Variants in SH3PXD2A observed in about 807,000 individuals in gnomAD.
SH3PXD2A encodes SH3 and PX domain-containing protein 2A.
In SH3PXD2A, 32 loss-of-function variants were observed where a neutral mutation model predicts 115.2. That is an observed-to-expected ratio of 0.28 (90% CI 0.21 to 0.37). The LOEUF (loss-of-function observed/expected upper bound fraction) is 0.37. Among genes scored for constraint, SH3PXD2A ranks in the 10% least tolerant of loss-of-function variants. The pLI is 1.00. For synonymous variants in SH3PXD2A, 610 were observed against 629.1 expected (o/e 0.97, Z 0.45); for missense variants, 1,328 against 1,498.7 (o/e 0.89, Z 1.88).
At chr10:103,689,772 A>G (rs1386503303) in intron 6 of SH3PXD2A, among the ~76,000 whole-genome samples, 7 of 152,192 alleles carry the variant, frequency 4.6e-5, no homozygotes, top group Non-Finnish European at 1.0e-4. Context: ...AGCAGGTTCA[A>G]TAGAGGGAAG....
chr10:103,819,119 C>T lies in SH3PXD2A; in HGVS notation c.73-17757G>A, dbSNP rs140946522. 3.3e-3 allele frequency among the ~76,000 whole-genome samples: 500 copies of T among 152,310 alleles called. 3 individuals are homozygous for T. Among genetic ancestry groups the T allele is most frequent in the South Asian group, 0.012 (56 of 4,826 alleles). ...TCCAGTCCCGTCAAGAAGGATTGGGCGCTTATTACGTGCTGGGCTCTGTGC... is the reference window on the plus strand; with the variant it reads ...TCCAGTCCCGTCAAGAAGGATTGGGTGCTTATTACGTGCTGGGCTCTGTGC... On this transcript the variant is annotated intron_variant, in intron 1 of 14. Transcript: ENST00000369774.
chr10:103,779,474 G>T (rs1408836503), intron 2 of SH3PXD2A, among the ~76,000 whole-genome samples: 1 of 152,198 alleles, frequency 6.6e-6, no homozygotes, highest in Non-Finnish European at 1.5e-5. Context: ...TGGTGCTGGA[G>T]CAGGGAGGGT....
chr10:103,783,041 A>G (rs181208673), intron 2 of SH3PXD2A, among the ~76,000 whole-genome samples: 27 of 152,132 alleles, frequency 1.8e-4, no homozygotes, highest in African/African-American at 5.8e-4. Flanking sequence ...GGCAGAGGGA[A>G]CAGCAAGGAC....
chr10:103,652,001 T>C (rs2037132011), intron 8 of SH3PXD2A, among the ~76,000 whole-genome samples: 1 of 152,228 alleles, frequency 6.6e-6, no homozygotes, highest in Admixed American at 6.5e-5. Flanking sequence ...ACAGTTCACT[T>C]GCTTTATGGA....
chr10:103,771,327 G>A (rs931855981), intron 2 of SH3PXD2A, among the ~76,000 whole-genome samples: 3 of 152,212 alleles, frequency 2.0e-5, no homozygotes, highest in Non-Finnish European at 4.4e-5. Context: ...TCACAGTGCA[G>A]AGGGAATGTG....
intron 6 of SH3PXD2A, among the ~76,000 whole-genome samples, chr10:103,674,467 C>T (rs1262240089): frequency 2.0e-5 from 3 of 152,186 alleles, no homozygotes; most frequent in Non-Finnish European, 4.4e-5. Context: ...GTGAAAGCCA[C>T]GTGAATGTCA....
intron 1 of SH3PXD2A, among the ~76,000 whole-genome samples, chr10:103,842,483 T>C (rs966149079): frequency 2.6e-5 from 4 of 152,226 alleles, no homozygotes; most frequent in Non-Finnish European, 5.9e-5. Context: ...TACTATCAAA[T>C]ACTAAAACGT....
chr10:103,814,284 C>T (rs2039301273), intron 1 of SH3PXD2A, among the ~76,000 whole-genome samples: 1 of 152,112 alleles, frequency 6.6e-6, no homozygotes, highest in African/African-American at 2.4e-5. Context: ...CCTTCATCAG[C>T]GACTAAGGGG....
intron 2 of SH3PXD2A, among the ~76,000 whole-genome samples, chr10:103,796,510 T>C (rs142909888): frequency 1.1e-4 from 16 of 152,306 alleles, no homozygotes; most frequent in African/African-American, 3.6e-4. Flanking sequence ...AGTATTTAGT[T>C]CATCTACAGT....
At chr10:103,763,174 G>A (rs1216141559) in intron 3 of SH3PXD2A, among the ~76,000 whole-genome samples, 1 of 152,082 alleles carries the variant, frequency 6.6e-6, no homozygotes, top group African/African-American at 2.4e-5. Context: ...ATGTAACCAA[G>A]CCATGGTTTC....
At chr10:103,839,063 C>T (rs905048402) in intron 1 of SH3PXD2A, among the ~76,000 whole-genome samples, 3 of 152,160 alleles carry the variant, frequency 2.0e-5, no homozygotes, top group South Asian at 4.1e-4. Flanking sequence ...TGGTCAACCC[C>T]GCGTGGGATC....
intron 1 of SH3PXD2A, among the ~76,000 whole-genome samples, chr10:103,844,036 T>G (rs78180686): frequency 0.024 from 3,683 of 152,320 alleles, 72 homozygotes; most frequent in South Asian, 0.045. Context: ...GCTGCTTGCT[T>G]CAAGTTGCCA....
intron 10 of SH3PXD2A, among the ~76,000 whole-genome samples, chr10:103,621,680 G>A (rs886297061): frequency 6.6e-6 from 1 of 152,202 alleles, no homozygotes; most frequent in Non-Finnish European, 1.5e-5. Flanking sequence ...GACTGCAGAT[G>A]TTTAAGGGTT....
chr10:103,813,425 T>C (rs563254799), intron 1 of SH3PXD2A, among the ~76,000 whole-genome samples: 1 of 152,286 alleles, frequency 6.6e-6, no homozygotes, highest in South Asian at 2.1e-4. Context: ...CAAGAAGTCC[T>C]CCCCGCTCAG....
chr10:103,836,175 G>T (rs893769886), intron 1 of SH3PXD2A, among the ~76,000 whole-genome samples: 3 of 152,140 alleles, frequency 2.0e-5, no homozygotes, highest in Admixed American at 6.5e-5. Flanking sequence ...GGTGGTTATT[G>T]TAAGTATATG....
intron 2 of SH3PXD2A, among the ~76,000 whole-genome samples, chr10:103,788,424 C>T (rs1020447251): frequency 1.3e-5 from 2 of 152,200 alleles, no homozygotes; most frequent in Non-Finnish European, 1.5e-5. Flanking sequence ...CACCAGGACT[C>T]CCACAAGTCC....
chr10:103,695,513 G>GAA (rs1321423150), intron 5 of SH3PXD2A, among the ~76,000 whole-genome samples: 1 of 93,040 alleles, frequency 1.1e-5, no homozygotes. Flanking sequence ...GTCTCAAAAA[G>GAA]AAAAAAAAAA....
chr10:103,735,929 C>T, intron 3 of SH3PXD2A, 121 bp from the exon 4 acceptor site: 1 of 807,308 alleles, frequency 1.2e-6, no homozygotes, highest in South Asian at 1.4e-5. Context: ...CCACCCCGTC[C>T]ACGGTCAAGG....
chr10:103,735,639 C>G, intron 4 of SH3PXD2A, 93 bp downstream of exon 4: 1 of 1,018,260 alleles, frequency 9.8e-7, no homozygotes, highest in Non-Finnish European at 1.5e-6. Flanking sequence ...TGTACAGCAA[C>G]CTTTCCTCAC....
Sources: gnomAD v4.1 joint callset for allele counts (sites outside exome capture counted in the v4.1 genomes callset) on GRCh38, gnomAD v4.1.1 for gene constraint, MANE v1.5 for transcripts, NCBI Gene and HGNC (gene_info 2026-07-23, HGNC 2026-07-21) for gene names.